ARHGAP15: variants seen among roughly 807,000 people sequenced by gnomAD.
ARHGAP15 encodes rho GTPase-activating protein 15.
A neutral mutation model predicts 63.7 loss-of-function variants in ARHGAP15; 51 were observed. The ratio of observed to expected loss-of-function variants is 0.80; its 90% confidence interval spans 0.64 to 1.01. The LOEUF (loss-of-function observed/expected upper bound fraction) is 1.01, where lower values mean the gene tolerates loss of function less well. Among genes scored for constraint, ARHGAP15 ranks in the 50% least tolerant of loss-of-function variants. The pLI, the probability that ARHGAP15 is intolerant of heterozygous loss-of-function variation, is 0.00. For missense variants in ARHGAP15, 560 were observed against 564.6 expected, an observed-to-expected ratio of 0.99 and a Z score of 0.08; for synonymous variants, 191 against 193.8, an observed-to-expected ratio of 0.99 and a Z score of 0.12.
At chr2:143,419,179 A>G (rs988675086) in intron 6 of ARHGAP15, among the ~76,000 whole-genome samples, 5 of 152,076 alleles carry the variant, frequency 3.3e-5, no homozygotes, top group Admixed American at 6.5e-5. Context: ...CCTAATTATA[A>G]AAGAAATGCA....
At chr2:143,387,434 A>G (rs1429917039) in intron 6 of ARHGAP15, among the ~76,000 whole-genome samples, 1 of 152,204 alleles carries the variant, frequency 6.6e-6, no homozygotes, top group Non-Finnish European at 1.5e-5. Context: ...AAAAATAAAG[A>G]TTAGCTGCCA....
intron 6 of ARHGAP15, among the ~76,000 whole-genome samples, chr2:143,323,734 A>C (rs1684123762): frequency 6.6e-6 from 1 of 151,824 alleles, no homozygotes; most frequent in African/African-American, 2.4e-5. Flanking sequence ...AAATACAAAA[A>C]AAATCAGCCG....
intron 6 of ARHGAP15, among the ~76,000 whole-genome samples, chr2:143,266,287 C>A (rs1048318840): frequency 6.6e-6 from 1 of 151,936 alleles, no homozygotes; most frequent in African/African-American, 2.4e-5. Context: ...TAAAGTCAAG[C>A]AAAATTAATT....
At chr2:143,396,466 C>T (rs1402182026) in intron 6 of ARHGAP15, among the ~76,000 whole-genome samples, 1 of 151,870 alleles carries the variant, frequency 6.6e-6, no homozygotes, top group African/African-American at 2.4e-5. Context: ...CAATGAGTCC[C>T]CCAGTCAAGT....
intron 6 of ARHGAP15, among the ~76,000 whole-genome samples, chr2:143,271,620 T>C (rs931000581): frequency 6.6e-6 from 1 of 152,152 alleles, no homozygotes; most frequent in East Asian, 1.9e-4. Flanking sequence ...GGACCACAGG[T>C]GCCTGCCACC....
At chr2:143,610,289 G>A (rs879906880) in intron 11 of ARHGAP15, among the ~76,000 whole-genome samples, 2 of 152,086 alleles carry the variant, frequency 1.3e-5, no homozygotes, top group South Asian at 2.1e-4. Context: ...TCAAATGAAC[G>A]TATGGCTGCT....
chr2:143,747,654 C>T (rs1481590035), intron 13 of ARHGAP15, among the ~76,000 whole-genome samples: 2 of 152,156 alleles, frequency 1.3e-5, no homozygotes, highest in Non-Finnish European at 2.9e-5. Context: ...TTAGATTGGC[C>T]TCTTTCACCT....
chr2:143,758,893 C>T (rs961153822), intron 13 of ARHGAP15, among the ~76,000 whole-genome samples: 4 of 152,118 alleles, frequency 2.6e-5, no homozygotes, highest in African/African-American at 9.7e-5. Context: ...AGGTGGAGCC[C>T]AGCAACCTGC....
intron 3 of ARHGAP15, among the ~76,000 whole-genome samples, chr2:143,210,672 T>G (rs1456317558): frequency 6.6e-6 from 1 of 152,134 alleles, no homozygotes; most frequent in Non-Finnish European, 1.5e-5. Context: ...TCAACAAACT[T>G]ATTAAAGAAT....
intron 11 of ARHGAP15, chr2:143,587,553 C>A (rs1164717763): frequency 3.6e-6 from 1 of 279,384 alleles, no homozygotes; most frequent in Non-Finnish European, 7.7e-6. Flanking sequence ...TAAAAAAAAG[C>A]CTCTTTCTAT....
rs143837095 is a variant in ARHGAP15, at chr2:143,172,815, C to T, written c.165+17160C>T. 1.1e-3 allele frequency among the ~76,000 whole-genome samples: 172 copies of T among 152,180 alleles called. 1 individual carries two copies. The highest frequency in any genetic ancestry group is 3.8e-3 in the African/African-American group (158 of 41,552). On this transcript the variant is annotated intron_variant, in intron 2 of 13. Coordinates refer to ENST00000295095, the MANE Select transcript of ARHGAP15 (RefSeq NM_018460.4). Reference sequence around the variant, plus strand: ...AAAGTGTCATAGGGACAATCAATTACGTGAGTTTGGAGCTCAGAGAATAGA... The same window carrying T: ...AAAGTGTCATAGGGACAATCAATTATGTGAGTTTGGAGCTCAGAGAATAGA...
intron 12 of ARHGAP15, among the ~76,000 whole-genome samples, chr2:143,661,910 G>A (rs1313343009): frequency 6.6e-6 from 1 of 152,242 alleles, no homozygotes; most frequent in African/African-American, 2.4e-5. Flanking sequence ...ACCTGGCTCG[G>A]AGGGTCCTAC....
intron 6 of ARHGAP15, among the ~76,000 whole-genome samples, chr2:143,424,176 G>T (rs776573276): frequency 2.0e-5 from 3 of 152,000 alleles, no homozygotes; most frequent in Non-Finnish European, 4.4e-5. Context: ...ATTCTTTTAG[G>T]TCCTAGTGAA....
At chr2:143,142,172 T>A (rs1270680600) in intron 1 of ARHGAP15, among the ~76,000 whole-genome samples, 3 of 152,098 alleles carry the variant, frequency 2.0e-5, no homozygotes, top group Admixed American at 2.0e-4. Context: ...CAACAACATA[T>A]GTCTGTGGGT....
chr2:143,260,400 T>G (rs1680660333), intron 6 of ARHGAP15, among the ~76,000 whole-genome samples: 1 of 152,144 alleles, frequency 6.6e-6, no homozygotes, highest in Non-Finnish European at 1.5e-5. Context: ...AATGGCTATT[T>G]ATATAGATCA....
At chr2:143,375,660 G>A (rs1686776796) in intron 6 of ARHGAP15, among the ~76,000 whole-genome samples, 2 of 152,116 alleles carry the variant, frequency 1.3e-5, no homozygotes, top group Admixed American at 6.6e-5. Flanking sequence ...TGTGAAAGTT[G>A]AAGATCCTGT....
At chr2:143,197,805 G>T (rs1435031781) in intron 2 of ARHGAP15, among the ~76,000 whole-genome samples, 2 of 152,070 alleles carry the variant, frequency 1.3e-5, no homozygotes, top group African/African-American at 2.4e-5. Context: ...TTCCCCTAAA[G>T]GAGTATTAAG....
At chr2:143,747,517 C>T (rs1430723608) in intron 13 of ARHGAP15, among the ~76,000 whole-genome samples, 2 of 152,194 alleles carry the variant, frequency 1.3e-5, no homozygotes, top group East Asian at 3.9e-4. Flanking sequence ...TAAAAATCTG[C>T]TGTGTTCCAC....
At chr2:143,406,747 G>A (rs759808007) in intron 6 of ARHGAP15, among the ~76,000 whole-genome samples, 1 of 151,900 alleles carries the variant, frequency 6.6e-6, no homozygotes, top group Non-Finnish European at 1.5e-5. Flanking sequence ...TATTCTCAGT[G>A]TCTTAGCACA....
Sources: gnomAD v4.1 joint callset for allele counts (sites outside exome capture counted in the v4.1 genomes callset) on GRCh38, gnomAD v4.1.1 for gene constraint, MANE v1.5 for transcripts, NCBI Gene and HGNC (gene_info 2026-07-23, HGNC 2026-07-21) for gene names.